Variants in MEI1 observed in about 807,000 individuals in gnomAD.
MEI1 encodes the protein meiosis inhibitor protein 1.
MEI1 carries 103 observed loss-of-function variants against 146.2 expected under a neutral mutation model. That is an observed-to-expected ratio of 0.70 (90% CI 0.60 to 0.83). The LOEUF is 0.83. Among genes scored for constraint, MEI1 ranks in the 40% least tolerant of loss-of-function variants. MEI1 has a pLI of 0.00. For synonymous variants in MEI1, 652 were observed against 628.2 expected, an observed-to-expected ratio of 1.04 and a Z score of -0.57; for missense variants, 1,529 against 1,533.0, an observed-to-expected ratio of 1.00 and a Z score of 0.04.
At chr22:41,726,489 T>A (rs2071367952) in intron 7 of MEI1, among the ~76,000 whole-genome samples, 1 of 152,222 alleles carries the variant, frequency 6.6e-6, no homozygotes, top group South Asian at 2.1e-4. Context: ...AACTGAAGTG[T>A]AATGAAATTT....
At chr22:41,796,924 G>A (rs906708312) in intron 30 of MEI1, among the ~76,000 whole-genome samples, 1 of 152,030 alleles carries the variant, frequency 6.6e-6, no homozygotes, top group African/African-American at 2.4e-5. Context: ...CACCCTGGGC[G>A]ACAAAACATG....
At chr22:41,778,994 T>G in intron 22 of MEI1, 182 bp downstream of exon 22, 1 of 549,334 alleles carries the variant, frequency 1.8e-6, no homozygotes. Flanking sequence ...CTGCTTGTTC[T>G]CTGGGAATGT....
chr22:41,771,229 G>A (rs1336682130), intron 20 of MEI1, among the ~76,000 whole-genome samples: 1 of 152,132 alleles, frequency 6.6e-6, no homozygotes, highest in Non-Finnish European at 1.5e-5. Flanking sequence ...ACTATGAAAT[G>A]CAGATCTTAG....
chr22:41,736,254 C>CT (rs11308919), intron 11 of MEI1, among the ~76,000 whole-genome samples: 47 of 131,540 alleles, frequency 3.6e-4, no homozygotes, highest in Non-Finnish European at 4.0e-4. Flanking sequence ...TTTTCTTTTT[C>CT]TTTTTTTTTT....
At chr22:41,761,431 C>T (rs2074485388) in intron 18 of MEI1, among the ~76,000 whole-genome samples, 1 of 151,314 alleles carries the variant, frequency 6.6e-6, no homozygotes, top group Non-Finnish European at 1.5e-5. Context: ...TCTCCTGCCT[C>T]AGCCTCCTGA....
rs548333452 is a variant in MEI1 at position 41,774,090 on chromosome 22, A to G, written c.2545-2012A>G. 2.0e-5 allele frequency: 3 copies of G among 152,300 alleles called. No homozygotes were observed. The East Asian group carries it at 5.8e-4, about 29-fold the overall frequency. 9.4% of individuals were successfully genotyped at this position (152,300 alleles called of 1,614,324 possible). A position where few individuals can be genotyped will look rare whatever the true frequency, so the allele number is the denominator to read the frequency against. Reference sequence around the variant, plus strand: ...CTTATCAATGGGTGGTCTTTCATGTAGGTTTTTTAGATGTGAAGGGACAAT... The same window carrying G: ...CTTATCAATGGGTGGTCTTTCATGTGGGTTTTTTAGATGTGAAGGGACAAT... On this transcript the variant is annotated intron_variant, in intron 20 of 30. Transcript: ENST00000401548.
intron 6 of MEI1, among the ~76,000 whole-genome samples, chr22:41,721,341 T>C (rs1361849402): frequency 6.8e-6 from 1 of 147,114 alleles, no homozygotes; most frequent in Non-Finnish European, 1.5e-5. Context: ...GCCTCCCAGG[T>C]TCAAGCAATT....
At chr22:41,773,719 C>G (rs1016456850) in intron 20 of MEI1, among the ~76,000 whole-genome samples, 12 of 151,822 alleles carry the variant, frequency 7.9e-5, no homozygotes, top group Non-Finnish European at 1.5e-4. Flanking sequence ...ACTAAAAATA[C>G]AAAAAATTAG....
chr22:41,789,959 A>C (rs1445341927), intron 26 of MEI1, among the ~76,000 whole-genome samples: 1 of 152,116 alleles, frequency 6.6e-6, no homozygotes, highest in East Asian at 1.9e-4. Context: ...CACTCTCGAG[A>C]AATTTCCTGG....
intron 15 of MEI1, among the ~76,000 whole-genome samples, chr22:41,750,440 C>T (rs771488451): frequency 1.2e-4 from 19 of 152,128 alleles, no homozygotes; most frequent in Non-Finnish European, 2.6e-4. Flanking sequence ...CCACATTGGC[C>T]GGAGCAGCTT....
chr22:41,771,070 A>C (rs1376849852), intron 20 of MEI1, 109 bp downstream of exon 20: 1 of 1,219,598 alleles, frequency 8.2e-7, no homozygotes, highest in Non-Finnish European at 1.1e-6. Flanking sequence ...GCCCACCTCC[A>C]GACTTATCAC....
rs371094896 is a variant in MEI1 at position 41,737,665 on chromosome 22, C to T, written c.1331+5062C>T. On this transcript the variant is annotated intron_variant, in intron 11 of 30. Coordinates refer to ENST00000401548, the MANE Select transcript of MEI1 (RefSeq NM_152513.4). ...CAAGCAATTTTTCTGCCTCAGCCTC[C>T]CAAATAGCTGGAATTACAGGCGTGA... Among the ~76,000 whole-genome samples the T allele has an allele frequency of 2.0e-4, 30 of 152,232 alleles. 1 individual carries two copies. The South Asian group carries it at 5.4e-3, about 27-fold the overall frequency.
At chr22:41,728,856 G>C (rs1016922217) in intron 7 of MEI1, among the ~76,000 whole-genome samples, 1 of 140,388 alleles carries the variant, frequency 7.1e-6, no homozygotes, top group African/African-American at 3.1e-5. Flanking sequence ...GTGAGACCCT[G>C]TGTCAAAAAA....
intron 7 of MEI1, among the ~76,000 whole-genome samples, chr22:41,728,374 C>T (rs184286135): frequency 7.4e-4 from 112 of 152,320 alleles, no homozygotes; most frequent in Non-Finnish European, 1.2e-3. Flanking sequence ...CTTTTCTGTG[C>T]ACTCAATAAA....
In MEI1 at chr22:41,737,799, G is replaced by A. The variant is rs575622268; in HGVS notation, c.1331+5196G>A. 3.9e-5 allele frequency among the ~76,000 whole-genome samples: 6 copies of A among 152,166 alleles called. No homozygotes were observed. In the South Asian group the frequency reaches 1.2e-3, roughly 32 times the overall value. On this transcript the variant is annotated intron_variant, in intron 11 of 30. Transcript: ENST00000401548. ...CAGTTTTTTCACTGCTCTGTCTCTGGCTCCTCATAGGTAGTCAATATGCGA... is the reference window on the plus strand; with the variant it reads ...CAGTTTTTTCACTGCTCTGTCTCTGACTCCTCATAGGTAGTCAATATGCGA...
chr22:41,776,046 C>T lies in MEI1; in HGVS notation c.2545-56C>T, dbSNP rs60256813. 2.3e-3 allele frequency: 3,639 copies of T among 1,567,652 alleles called. 67 individuals carry two copies. The African/African-American group carries it at 0.043, about 19-fold the overall frequency. The stretch of plus-strand genomic sequence containing the variant: ...TTCCTGCCCCTCTATTCCTCATTGT[C>T]ACTTTTCCCCAACTGCAGTACCCTC... On this transcript the variant is annotated intron_variant, in intron 20 of 30. Transcript: ENST00000401548.
chr22:41,717,957 TGGGGGA>T, intron 5 of MEI1, 108 bp from the exon 6 acceptor site: 3 of 871,260 alleles, frequency 3.4e-6, no homozygotes, highest in African/African-American at 1.7e-5. Flanking sequence ...GCATTTTTTG[TGGGGGA>T]TTATAGGGAC....
At chr22:41,773,807 G>A (rs139749133) in intron 20 of MEI1, among the ~76,000 whole-genome samples, 24 of 152,230 alleles carry the variant, frequency 1.6e-4, no homozygotes, top group African/African-American at 3.6e-4. Context: ...CCCAGGAGGC[G>A]GAGGTTGCAG....
intron 19 of MEI1, among the ~76,000 whole-genome samples, chr22:41,766,964 A>G (rs2074897107): frequency 6.6e-6 from 1 of 152,184 alleles, no homozygotes; most frequent in Admixed American, 6.5e-5. Flanking sequence ...GGGACCATCA[A>G]GCTACTGGAG....
Sources: allele counts gnomAD v4.1 joint callset (sites outside exome capture counted in the v4.1 genomes callset), GRCh38; gene constraint gnomAD v4.1.1; transcripts MANE v1.5; gene names NCBI Gene and HGNC (gene_info 2026-07-23, HGNC 2026-07-21).